GDE1: variants seen among roughly 807,000 people sequenced by gnomAD.
GDE1 encodes the protein RGS16-interacting membrane protein.
Under a neutral mutation model 32.2 loss-of-function variants are expected in GDE1, and 24 were observed. That is an observed-to-expected ratio of 0.75 (90% CI 0.54 to 1.05). The LOEUF (loss-of-function observed/expected upper bound fraction) is 1.05, where lower values mean the gene tolerates loss of function less well. Ranked by LOEUF, GDE1 falls within the 50% of genes least tolerant of loss-of-function variation. The pLI, the probability that GDE1 is intolerant of heterozygous loss-of-function variation, is 0.00. For synonymous variants in GDE1, 159 were observed against 158.6 expected (o/e 1.00, Z -0.02); for missense variants, 380 against 415.0 (o/e 0.92, Z 0.73).
intron 5 of GDE1, 168 bp from the exon 6 acceptor site, chr16:19,503,785 A>G (rs1459933003): frequency 3.3e-6 from 2 of 598,116 alleles, no homozygotes; most frequent in Non-Finnish European, 6.0e-6. Context: ...CCAGGATGCC[A>G]TGAACCTCCT....
At chr16:19,520,699 T>A (rs1001084459) in intron 1 of GDE1, among the ~76,000 whole-genome samples, 1 of 141,812 alleles carries the variant, frequency 7.1e-6, no homozygotes. Context: ...CCCTCCAGCC[T>A]GGGTAAAAGA....
chr16:19,516,097 C>A (rs1176019834), intron 2 of GDE1, among the ~76,000 whole-genome samples: 1 of 152,154 alleles, frequency 6.6e-6, no homozygotes, highest in African/African-American at 2.4e-5. Context: ...ACTGTTTGAT[C>A]TTACTTGAAC....
chr16:19,522,036 AG>A lies in GDE1; in HGVS notation c.-73del. 6.9e-7 allele frequency: 1 copy of A among 1,456,518 alleles called. No individual in the cohort carries two copies. Among genetic ancestry groups the A allele is most frequent in the Non-Finnish European group, 9.1e-7 (1 of 1,095,778 alleles). The allele number at this position is 1,456,518 out of a possible 1,614,324, so 90.2% of individuals were successfully genotyped here. On this transcript the variant is annotated 5_prime_UTR_variant, in exon 1 of 6. Coordinates refer to ENST00000353258, the MANE Select transcript of GDE1 (RefSeq NM_016641.4). ...TCCTGGGGCAGTAGAACGAGAAGCG[AG>A]GGGGAGGGTCCAAGGCACCGGCAGC...
At chr16:19,509,297 G>C (rs1369042806) in intron 3 of GDE1, among the ~76,000 whole-genome samples, 1 of 152,106 alleles carries the variant, frequency 6.6e-6, no homozygotes, top group African/African-American at 2.4e-5. Context: ...GTGAGACTCT[G>C]TCTCAAAAAA....
At chr16:19,505,188 G>C in intron 4 of GDE1, 96 bp from the exon 5 acceptor site, 1 of 823,714 alleles carries the variant, frequency 1.2e-6, no homozygotes, top group Non-Finnish European at 2.1e-6. Context: ...AGATGAGGTG[G>C]TCATGGTTGG....
intron 1 of GDE1, among the ~76,000 whole-genome samples, chr16:19,519,120 G>A (rs1969416899): frequency 6.6e-6 from 1 of 152,110 alleles, no homozygotes; most frequent in Non-Finnish European, 1.5e-5. Flanking sequence ...TGGAACTTCT[G>A]ACCAATTGGC....
At chr16:19,510,348 A>G (rs1438605429) in intron 3 of GDE1, among the ~76,000 whole-genome samples, 2 of 152,236 alleles carry the variant, frequency 1.3e-5, no homozygotes, top group Admixed American at 6.5e-5. Context: ...ACAAAGGGAT[A>G]AATCTATGTA....
At chr16:19,515,958 G>C (rs749320993) in intron 2 of GDE1, among the ~76,000 whole-genome samples, 8 of 152,180 alleles carry the variant, frequency 5.3e-5, no homozygotes, top group Non-Finnish European at 1.0e-4. Context: ...CCAATTCCAA[G>C]GGTGTTTACC....
chr16:19,515,302 A>G (rs1175158841), intron 2 of GDE1, among the ~76,000 whole-genome samples: 2 of 152,142 alleles, frequency 1.3e-5, no homozygotes, highest in African/African-American at 4.8e-5. Context: ...AACACAAGCC[A>G]ATTACTTCAT....
At chr16:19,509,028 G>A (rs936815421) in intron 3 of GDE1, among the ~76,000 whole-genome samples, 3 of 152,166 alleles carry the variant, frequency 2.0e-5, no homozygotes, top group Admixed American at 6.5e-5. Flanking sequence ...GAAGCCAGGC[G>A]TGGTGGCTCA....
chr16:19,520,719 T>C (rs1240070024), intron 1 of GDE1, among the ~76,000 whole-genome samples: 1 of 124,758 alleles, frequency 8.0e-6, no homozygotes, highest in Non-Finnish European at 1.6e-5. Flanking sequence ...AGTGAGACTC[T>C]GTAAAGTAAA....
At chr16:19,515,815 G>C (rs1368359944) in intron 2 of GDE1, among the ~76,000 whole-genome samples, 1 of 152,106 alleles carries the variant, frequency 6.6e-6, no homozygotes, top group African/African-American at 2.4e-5. Flanking sequence ...TTTTCCAAGA[G>C]AATCGATCAT....
At chr16:19,509,205 G>A (rs1310305214) in intron 3 of GDE1, among the ~76,000 whole-genome samples, 1 of 152,126 alleles carries the variant, frequency 6.6e-6, no homozygotes, top group African/African-American at 2.4e-5. Context: ...GGGAGGCTGA[G>A]GCAGGAGAAT....
intron 2 of GDE1, among the ~76,000 whole-genome samples, chr16:19,515,036 AAACTGGG>A (rs1208020830): frequency 6.8e-6 from 1 of 147,376 alleles, no homozygotes; most frequent in Non-Finnish European, 1.5e-5. Flanking sequence ...ATTGCACTCC[AAACTGGG>A]CAACAAGAGT....
chr16:19,516,703 A>G (rs1453152722), intron 2 of GDE1, among the ~76,000 whole-genome samples: 3 of 152,200 alleles, frequency 2.0e-5, no homozygotes, highest in African/African-American at 7.2e-5. Flanking sequence ...TAATGAATGT[A>G]TAATTTGCTT....
At chr16:19,505,231 C>G in intron 4 of GDE1, 139 bp from the exon 5 acceptor site, 1 of 637,370 alleles carries the variant, frequency 1.6e-6, no homozygotes, top group Non-Finnish European at 2.8e-6. Context: ...AATAAGTTCT[C>G]AATCATAAAC....
At chr16:19,515,192 A>G (rs1235492196) in intron 2 of GDE1, among the ~76,000 whole-genome samples, 1 of 152,044 alleles carries the variant, frequency 6.6e-6, no homozygotes, top group Non-Finnish European at 1.5e-5. Flanking sequence ...CCTTTGGCTG[A>G]TCTTAGTTTC....
At chr16:19,509,014 A>G (rs1256511439) in intron 3 of GDE1, among the ~76,000 whole-genome samples, 1 of 152,218 alleles carries the variant, frequency 6.6e-6, no homozygotes, top group African/African-American at 2.4e-5. Context: ...AAAGTATTCT[A>G]AGAGAAGCCA....
rs1969205768 is a variant in GDE1, at chr16:19,503,514, A to G, written c.952T>C (p.Tyr318His). The G allele has an allele frequency of 3.1e-6, 5 of 1,613,856 alleles. No individual in the cohort carries two copies. The highest frequency in any genetic ancestry group is 4.2e-6 in the Non-Finnish European group (5 of 1,179,772). Reference protein sequence around the residue: ...SYYESHLGSSYITDSMVEDCE... With the variant: ...SYYESHLGSSHITDSMVEDCE... ...TCTTCTACCATGCTGTCAGTGATAT[A>G]GCTGGAACCAAGATGGGATTCGTAG... The change falls in exon 6 of 6, where the codon TAT (tyrosine) becomes CAT (histidine). Residue 318 changes from tyrosine (Y) to histidine (H), a missense_variant. Tyr to His is a moderately conservative substitution (Grantham distance 83). Coordinates refer to ENST00000353258, the MANE Select transcript of GDE1 (RefSeq NM_016641.4).
Sources: allele counts gnomAD v4.1 joint callset (sites outside exome capture counted in the v4.1 genomes callset), GRCh38; gene constraint gnomAD v4.1.1; transcripts MANE v1.5; gene names NCBI Gene and HGNC (gene_info 2026-07-23, HGNC 2026-07-21).